The following FRMD4A variants were observed in gnomAD, a reference collection of about 807,000 sequenced individuals.
FRMD4A encodes the protein FERM domain containing 4A.
Under a neutral mutation model 129.1 loss-of-function variants are expected in FRMD4A, and 29 were observed. That is an observed-to-expected ratio of 0.22 (90% CI 0.17 to 0.31). The LOEUF (loss-of-function observed/expected upper bound fraction) is 0.31, where lower values mean the gene tolerates loss of function less well. Ranked by LOEUF, FRMD4A falls within the 10% of genes least tolerant of loss-of-function variation. The pLI is 1.00. For missense variants in FRMD4A, 1,272 were observed against 1,375.8 expected (o/e 0.92, Z 1.19); for synonymous variants, 634 against 571.6 (o/e 1.11, Z -1.56).
At chr10:13,891,787 G>A (rs2094700640) in intron 2 of FRMD4A, 26 of 925,852 alleles carry the variant, frequency 2.8e-5, no homozygotes, top group South Asian at 1.5e-4. Context: ...CGCCGCCCCC[G>A]CCGCGGGCCC....
chr10:13,655,444 A>G (rs1192417410), intron 22 of FRMD4A: 1 of 152,204 alleles, frequency 6.6e-6, no homozygotes, highest in Admixed American at 6.6e-5. Context: ...GGGCTATTTT[A>G]CAGATGAAGA....
chr10:14,135,488 G>A (rs1564328025), intron 2 of FRMD4A, among the ~76,000 whole-genome samples: 2 of 152,196 alleles, frequency 1.3e-5, no homozygotes, highest in South Asian at 2.1e-4. Flanking sequence ...CTGCGTTGGA[G>A]TCTCTGTGAA....
rs2094551102 is a variant in FRMD4A, at chr10:13,881,988, AGGGTGTGTGTGTGTGTGTGTGTGTGT to A, written c.46-23102_46-23077del. 2.8e-4 allele frequency among the ~76,000 whole-genome samples: 3 copies of A among 10,652 alleles called. 1 individual carries two copies. The highest frequency in any genetic ancestry group is 7.1e-3 in the South Asian group (2 of 282). 7.0% of individuals were successfully genotyped at this position (10,652 alleles called of 152,430 possible). A position where few individuals can be genotyped will look rare whatever the true frequency, so the allele number is the denominator to read the frequency against. On this transcript the variant is annotated intron_variant, in intron 2 of 24. Coordinates refer to ENST00000357447, the MANE Select transcript of FRMD4A (RefSeq NM_018027.5). The stretch of plus-strand genomic sequence containing the variant: ...GGTCAAATGTGCTTGGGGAGAGGCA[AGGGTGTGTGTGTGTGTGTGTGTGTGT>A]GTGTGTGTGTGTGTGTGTGTGTGTG...
chr10:13,924,887 A>G (rs1160360707), intron 2 of FRMD4A, among the ~76,000 whole-genome samples: 2 of 151,876 alleles, frequency 1.3e-5, no homozygotes, highest in African/African-American at 4.8e-5. Context: ...ACATGGTGAA[A>G]CCCCGTCTCT....
intron 14 of FRMD4A, among the ~76,000 whole-genome samples, chr10:13,697,530 G>A (rs1177945105): frequency 6.6e-6 from 1 of 152,142 alleles, no homozygotes; most frequent in Non-Finnish European, 1.5e-5. Flanking sequence ...GGCATTGTCG[G>A]GGAGAGTCTC....
chr10:13,683,372 G>T (rs982462717), intron 15 of FRMD4A, among the ~76,000 whole-genome samples: 1 of 151,616 alleles, frequency 6.6e-6, no homozygotes, highest in African/African-American at 2.4e-5. Context: ...ATTGCTTAAT[G>T]CCAGGAGTTT....
chr10:13,947,939 C>G (rs2095344095), intron 2 of FRMD4A, among the ~76,000 whole-genome samples: 1 of 151,850 alleles, frequency 6.6e-6, no homozygotes, highest in Non-Finnish European at 1.5e-5. Context: ...TGGCTCATGC[C>G]TGTAATTCCG....
At chr10:14,207,239 C>T (rs1842809044) in intron 2 of FRMD4A, among the ~76,000 whole-genome samples, 1 of 152,120 alleles carries the variant, frequency 6.6e-6, no homozygotes, top group South Asian at 2.1e-4. Context: ...GTGTCTATAT[C>T]AGTGGTCCCC....
chr10:13,721,345 G>A (rs2089386687), intron 12 of FRMD4A, among the ~76,000 whole-genome samples: 1 of 152,122 alleles, frequency 6.6e-6, no homozygotes, highest in Admixed American at 6.5e-5. Context: ...AGCCAGGCGT[G>A]GTGGCAGGCA....
intron 2 of FRMD4A, among the ~76,000 whole-genome samples, chr10:14,204,337 G>A (rs555677621): frequency 6.6e-6 from 1 of 152,164 alleles, no homozygotes; most frequent in African/African-American, 2.4e-5. Flanking sequence ...GCTGAGGTAG[G>A]AGAATCACTG....
At chr10:13,982,335 T>C (rs2095564784) in intron 2 of FRMD4A, among the ~76,000 whole-genome samples, 1 of 151,276 alleles carries the variant, frequency 6.6e-6, no homozygotes, top group Non-Finnish European at 1.5e-5. Context: ...AATAAAAAAT[T>C]AGCTGGGCAC....
At chr10:14,008,127 G>C (rs536644917) in intron 2 of FRMD4A, 2 of 1,299,028 alleles carry the variant, frequency 1.5e-6, no homozygotes, top group East Asian at 1.1e-4. Context: ...GGATCTATTC[G>C]GAGCCACTGC....
chr10:14,061,448 C>A (rs1424839352), intron 2 of FRMD4A, among the ~76,000 whole-genome samples: 4 of 152,118 alleles, frequency 2.6e-5, no homozygotes, highest in African/African-American at 4.8e-5. Flanking sequence ...AAAAAAGGCA[C>A]ATTTAACGAA....
chr10:13,996,962 A>T (rs2095624648), intron 2 of FRMD4A, among the ~76,000 whole-genome samples: 1 of 151,572 alleles, frequency 6.6e-6, no homozygotes, highest in Admixed American at 6.6e-5. Context: ...CCATGATTAC[A>T]TCAAGCCATT....
chr10:14,050,452 T>C (rs1484592271), intron 2 of FRMD4A, among the ~76,000 whole-genome samples: 1 of 152,174 alleles, frequency 6.6e-6, no homozygotes, highest in Non-Finnish European at 1.5e-5. Flanking sequence ...CATTGTGGTA[T>C]AATAAAAAAT....
chr10:13,979,893 A>G (rs796834335), intron 2 of FRMD4A, among the ~76,000 whole-genome samples: 19 of 152,326 alleles, frequency 1.2e-4, no homozygotes, highest in African/African-American at 4.6e-4. Context: ...ACCCTGGTGC[A>G]GCTGAAACTC....
At chr10:13,965,871 G>A (rs1425797438) in intron 2 of FRMD4A, among the ~76,000 whole-genome samples, 2 of 152,192 alleles carry the variant, frequency 1.3e-5, no homozygotes, top group East Asian at 3.8e-4. Context: ...ACCAAAATAG[G>A]TAGGAAGAAG....
chr10:14,197,626 G>T (rs553870374), intron 2 of FRMD4A, among the ~76,000 whole-genome samples: 1 of 152,222 alleles, frequency 6.6e-6, no homozygotes, highest in Non-Finnish European at 1.5e-5. Flanking sequence ...CTCCCAAAGT[G>T]CTGGGATTAC....
At chr10:14,102,807 A>C (rs1282617852) in intron 2 of FRMD4A, among the ~76,000 whole-genome samples, 2 of 151,878 alleles carry the variant, frequency 1.3e-5, no homozygotes, top group African/African-American at 4.8e-5. Context: ...AATTGCGAAG[A>C]GAAGGGCTTG....
Sources: allele counts gnomAD v4.1 joint callset (sites outside exome capture counted in the v4.1 genomes callset), GRCh38; gene constraint gnomAD v4.1.1; transcripts MANE v1.5; gene names NCBI Gene and HGNC (gene_info 2026-07-23, HGNC 2026-07-21).